GRID2: variants seen among roughly 807,000 people sequenced by gnomAD.
The protein encoded by GRID2 is glutamate ionotropic receptor delta type subunit 2.
GRID2 carries 33 observed loss-of-function variants against 114.8 expected under a neutral mutation model. That is an observed-to-expected ratio of 0.29 (90% CI 0.22 to 0.38). The LOEUF is 0.38. Among genes scored for constraint, GRID2 ranks in the 10% least tolerant of loss-of-function variants. GRID2 has a pLI of 1.00. For synonymous variants in GRID2, 505 were observed against 449.9 expected (o/e 1.12, Z -1.55); for missense variants, 1,184 against 1,257.7 (o/e 0.94, Z 0.89).
At chr4:93,080,770 G>A (rs931138623) in intron 2 of GRID2, among the ~76,000 whole-genome samples, 9 of 152,138 alleles carry the variant, frequency 5.9e-5, no homozygotes, top group Non-Finnish European at 5.9e-5. Context: ...TCCCTTCTGT[G>A]CTGCTATAAC....
intron 1 of GRID2, among the ~76,000 whole-genome samples, chr4:92,404,699 A>G (rs1211984175): frequency 2.0e-5 from 3 of 152,236 alleles, no homozygotes; most frequent in Non-Finnish European, 2.9e-5. Flanking sequence ...CTGTGCAGCC[A>G]TAAAAAGGAA....
chr4:93,265,070 C>G (rs541316639), intron 8 of GRID2, among the ~76,000 whole-genome samples: 4 of 151,904 alleles, frequency 2.6e-5, no homozygotes, highest in Non-Finnish European at 1.5e-5. Context: ...CATGAGCCAC[C>G]GCGCCTGGCC....
intron 6 of GRID2, among the ~76,000 whole-genome samples, chr4:93,221,557 T>A (rs1037260648): frequency 5.3e-5 from 8 of 152,124 alleles, no homozygotes; most frequent in Non-Finnish European, 1.0e-4. Flanking sequence ...GTGAAGATCA[T>A]CTGTACAGAA....
At chr4:92,313,117 G>A (rs1187174765) in intron 1 of GRID2, among the ~76,000 whole-genome samples, 1 of 141,932 alleles carries the variant, frequency 7.0e-6, no homozygotes, top group South Asian at 2.2e-4. Context: ...GTGTGTGTGT[G>A]TGTGTATATG....
intron 1 of GRID2, among the ~76,000 whole-genome samples, chr4:92,437,046 A>G (rs1732768125): frequency 6.6e-6 from 1 of 152,202 alleles, no homozygotes; most frequent in Admixed American, 6.5e-5. Flanking sequence ...ATGTGAGTAA[A>G]TTTTGAAGGA....
At chr4:92,438,443 A>C (rs1732844553) in intron 1 of GRID2, among the ~76,000 whole-genome samples, 1 of 151,974 alleles carries the variant, frequency 6.6e-6, no homozygotes, top group Admixed American at 6.6e-5. Context: ...AATATCTAAC[A>C]CCAATTTTCT....
chr4:92,944,243 C>T (rs1365552034), intron 2 of GRID2, among the ~76,000 whole-genome samples: 1 of 152,222 alleles, frequency 6.6e-6, no homozygotes, highest in Admixed American at 6.5e-5. Flanking sequence ...ATTTTGGCCG[C>T]TTTGTTTACC....
At chr4:92,866,303 C>T (rs1490100825) in intron 2 of GRID2, among the ~76,000 whole-genome samples, 3 of 152,112 alleles carry the variant, frequency 2.0e-5, no homozygotes, top group Non-Finnish European at 4.4e-5. Context: ...CTCTGTCATC[C>T]GTATCACTTC....
chr4:93,711,000 A>G (rs1728433015), intron 14 of GRID2, among the ~76,000 whole-genome samples: 2 of 152,080 alleles, frequency 1.3e-5, no homozygotes, highest in Admixed American at 1.3e-4. Flanking sequence ...CTTCTCACCC[A>G]GGGCAGCTGT....
intron 6 of GRID2, among the ~76,000 whole-genome samples, chr4:93,222,483 T>C (rs891643215): frequency 6.6e-6 from 1 of 151,362 alleles, no homozygotes; most frequent in Non-Finnish European, 1.5e-5. Flanking sequence ...ATTTTTATTA[T>C]ACTTTCAGTT....
At chr4:93,172,564 C>T (rs1560950918) in intron 4 of GRID2, among the ~76,000 whole-genome samples, 1 of 151,810 alleles carries the variant, frequency 6.6e-6, no homozygotes. Flanking sequence ...TGCACTCCAG[C>T]CTGGGCGACA....
intron 2 of GRID2, among the ~76,000 whole-genome samples, chr4:92,693,796 C>A (rs1477587385): frequency 1.3e-5 from 2 of 152,054 alleles, no homozygotes; most frequent in African/African-American, 4.8e-5. Context: ...TAAATGCTTA[C>A]TATGTTAAAA....
intron 2 of GRID2, among the ~76,000 whole-genome samples, chr4:92,803,270 C>T (rs1014863403): frequency 6.6e-6 from 1 of 151,848 alleles, no homozygotes; most frequent in Non-Finnish European, 1.5e-5. Flanking sequence ...TTCAATATCC[C>T]TTTGTGATCA....
intron 2 of GRID2, among the ~76,000 whole-genome samples, chr4:92,990,951 A>C (rs997189128): frequency 3.3e-5 from 5 of 152,212 alleles, no homozygotes. Flanking sequence ...ATACTATAAC[A>C]AAATTACTAT....
intron 1 of GRID2, among the ~76,000 whole-genome samples, chr4:92,344,941 A>G (rs907417049): frequency 6.6e-6 from 1 of 152,166 alleles, no homozygotes; most frequent in African/African-American, 2.4e-5. Context: ...TTACATGGAT[A>G]AGTTCTTTAG....
intron 2 of GRID2, among the ~76,000 whole-genome samples, chr4:92,944,567 C>T (rs1459904203): frequency 6.6e-6 from 1 of 152,220 alleles, no homozygotes; most frequent in Admixed American, 6.5e-5. Context: ...GCTCAGTGCG[C>T]TGCACCCACT....
At chr4:93,632,768 C>T (rs908160893) in intron 14 of GRID2, among the ~76,000 whole-genome samples, 1 of 152,108 alleles carries the variant, frequency 6.6e-6, no homozygotes, top group African/African-American at 2.4e-5. Flanking sequence ...TCATTGGTAG[C>T]TTGATGCGGA....
chr4:92,313,728 A>G (rs1025035917), intron 1 of GRID2, among the ~76,000 whole-genome samples: 5 of 152,084 alleles, frequency 3.3e-5, no homozygotes, highest in Non-Finnish European at 7.4e-5. Context: ...ACCCTGTTGA[A>G]TTGTATGTAT....
chr4:93,074,284 G>T (rs1003200092), intron 2 of GRID2, among the ~76,000 whole-genome samples: 3 of 152,140 alleles, frequency 2.0e-5, no homozygotes, highest in Non-Finnish European at 4.4e-5. Context: ...TCAGTCTGCA[G>T]TCTCTTACAG....
Sources: gnomAD v4.1 joint callset for allele counts (sites outside exome capture counted in the v4.1 genomes callset) on GRCh38, gnomAD v4.1.1 for gene constraint, MANE v1.5 for transcripts, NCBI Gene and HGNC (gene_info 2026-07-23, HGNC 2026-07-21) for gene names.